The following DSCAM variants were observed in gnomAD, a reference collection of about 807,000 sequenced individuals.
The protein encoded by DSCAM is cell adhesion molecule DSCAM.
DSCAM carries 47 observed loss-of-function variants against 217.7 expected under a neutral mutation model. The ratio of observed to expected loss-of-function variants is 0.22; its 90% CI spans 0.17 to 0.28. The LOEUF (loss-of-function observed/expected upper bound fraction) is 0.28, where lower values mean the gene tolerates loss of function less well. Among genes scored for constraint, DSCAM ranks in the 10% least tolerant of loss-of-function variants. The pLI is 1.00. For missense variants in DSCAM, 2,080 were observed against 2,618.3 expected (o/e 0.79, Z 4.49); for synonymous variants, 1,056 against 1,015.3 (o/e 1.04, Z -0.76).
intron 3 of DSCAM, among the ~76,000 whole-genome samples, chr21:40,593,680 A>G (rs529838322): frequency 1.3e-5 from 2 of 152,306 alleles, no homozygotes; most frequent in East Asian, 3.9e-4. Context: ...ATTTAAAATT[A>G]TCTGAAAGCA....
chr21:40,142,765 C>G, intron 17 of DSCAM, 61 bp from the exon 18 acceptor site: 1 of 1,479,596 alleles, frequency 6.8e-7, no homozygotes, highest in Admixed American at 2.1e-5. Flanking sequence ...AAGCAATAAC[C>G]GAAAAAGCAA....
chr21:40,464,462 C>A (rs1490102177), intron 3 of DSCAM, among the ~76,000 whole-genome samples: 1 of 152,206 alleles, frequency 6.6e-6, no homozygotes. Flanking sequence ...AGCCTCAGTT[C>A]ATGACTCCCT....
chr21:40,067,008 T>A (rs1327815337), intron 27 of DSCAM, among the ~76,000 whole-genome samples: 1 of 152,190 alleles, frequency 6.6e-6, no homozygotes. Flanking sequence ...CATCATCAAT[T>A]GAAAATATAA....
At chr21:40,492,045 C>A (rs1325936896) in intron 3 of DSCAM, among the ~76,000 whole-genome samples, 1 of 152,132 alleles carries the variant, frequency 6.6e-6, no homozygotes, top group Non-Finnish European at 1.5e-5. Context: ...TATGTTCACT[C>A]AAATATCTAA....
chr21:40,092,034 C>T (rs1412280607), intron 21 of DSCAM, among the ~76,000 whole-genome samples: 1 of 152,196 alleles, frequency 6.6e-6, no homozygotes, highest in Non-Finnish European at 1.5e-5. Context: ...GTGAACACAT[C>T]TCTTAAACCA....
At position 40,432,896 on chromosome 21, in the gene DSCAM, C is replaced by A. The variant is rs140415674; in HGVS notation, c.509-63651G>T. Among the ~76,000 whole-genome samples the A allele has an allele frequency of 3.6e-3, 543 of 152,230 alleles. 2 individuals carry two copies. The highest frequency in any genetic ancestry group is 5.8e-3 in the Non-Finnish European group (394 of 68,010). On this transcript the variant is annotated intron_variant, in intron 3 of 32. Transcript: ENST00000400454. ...GGTTTGCACCTGGGGAAGTCTGAGC[C>A]TGAAACCTACTCTCTTAACCAGGTT...
At chr21:40,809,432 G>A (rs905746863) in intron 1 of DSCAM, among the ~76,000 whole-genome samples, 8 of 152,042 alleles carry the variant, frequency 5.3e-5, no homozygotes, top group African/African-American at 4.8e-5. Context: ...CTAAAAGGGC[G>A]ATTGTTGTAC....
At chr21:40,821,025 GAT>G (rs755810773) in intron 1 of DSCAM, among the ~76,000 whole-genome samples, 1 of 149,128 alleles carries the variant, frequency 6.7e-6, no homozygotes. Context: ...GGGCTTCGCA[GAT>G]ATATATATAT....
intron 3 of DSCAM, among the ~76,000 whole-genome samples, chr21:40,500,661 G>A (rs2076163761): frequency 6.6e-6 from 1 of 152,252 alleles, no homozygotes; most frequent in African/African-American, 2.4e-5. Context: ...TACAAAGCCA[G>A]TGCAGTACCC....
intron 3 of DSCAM, among the ~76,000 whole-genome samples, chr21:40,536,552 C>G (rs1422345409): frequency 3.3e-5 from 5 of 152,116 alleles, no homozygotes; most frequent in Non-Finnish European, 5.9e-5. Flanking sequence ...CAGGCGCCCA[C>G]CACCACGCCT....
chr21:40,732,747 A>G (rs184591734), intron 1 of DSCAM, among the ~76,000 whole-genome samples: 1 of 152,302 alleles, frequency 6.6e-6, no homozygotes, highest in Non-Finnish European at 1.5e-5. Context: ...TGAATATGAA[A>G]CACTTTTTGA....
intron 1 of DSCAM, among the ~76,000 whole-genome samples, chr21:40,730,785 T>A (rs1203678892): frequency 6.6e-6 from 1 of 152,206 alleles, no homozygotes; most frequent in Non-Finnish European, 1.5e-5. Context: ...TATTTGCATA[T>A]TTTGGGGCAC....
At chr21:40,823,672 A>G (rs1007578795) in intron 1 of DSCAM, among the ~76,000 whole-genome samples, 3 of 152,346 alleles carry the variant, frequency 2.0e-5, no homozygotes, top group South Asian at 2.1e-4. Context: ...GTGAAACCTC[A>G]CCCAAATTCA....
intron 26 of DSCAM, 95 bp from the exon 27 acceptor site, chr21:40,075,308 C>A (rs563449392): frequency 2.2e-6 from 3 of 1,362,542 alleles, no homozygotes; most frequent in East Asian, 2.4e-5. Context: ...GCTGTGTGAT[C>A]CAAGGGTGTT....
chr21:40,702,421 AAT>A (rs2090666382), intron 2 of DSCAM, among the ~76,000 whole-genome samples: 1 of 152,206 alleles, frequency 6.6e-6, no homozygotes, highest in Non-Finnish European at 1.5e-5. Context: ...GCTTAATATT[AAT>A]GTGGCTATTC....
At chr21:40,714,603 C>A (rs2090821353) in intron 1 of DSCAM, among the ~76,000 whole-genome samples, 1 of 152,210 alleles carries the variant, frequency 6.6e-6, no homozygotes, top group East Asian at 1.9e-4. Context: ...TCCTGTCTCA[C>A]CATCGAATTT....
intron 30 of DSCAM, among the ~76,000 whole-genome samples, chr21:40,047,753 C>T (rs2088865193): frequency 6.6e-6 from 1 of 152,132 alleles, no homozygotes; most frequent in African/African-American, 2.4e-5. Context: ...AACACTCCCT[C>T]ATGTAACTAA....
intron 4 of DSCAM, among the ~76,000 whole-genome samples, chr21:40,367,336 G>C (rs1053751311): frequency 6.6e-6 from 1 of 152,174 alleles, no homozygotes; most frequent in Non-Finnish European, 1.5e-5. Flanking sequence ...CAGTAATCCA[G>C]TTGTGTTGAA....
intron 15 of DSCAM, among the ~76,000 whole-genome samples, chr21:40,170,540 G>C (rs2090645580): frequency 1.3e-5 from 2 of 152,160 alleles, no homozygotes; most frequent in African/African-American, 4.8e-5. Context: ...CCGAGGGAGA[G>C]AATGGCTTCC....
Sources: allele counts gnomAD v4.1 joint callset (sites outside exome capture counted in the v4.1 genomes callset), GRCh38; gene constraint gnomAD v4.1.1; transcripts MANE v1.5; gene names NCBI Gene and HGNC (gene_info 2026-07-23, HGNC 2026-07-21).